Variants in FBN1 observed in about 807,000 individuals in gnomAD.
FBN1 encodes the protein fibrillin 1, also known as fibrillin-1.
Under a neutral mutation model 365.1 loss-of-function variants are expected in FBN1, and 29 were observed. That is an observed-to-expected ratio of 0.08 (90% CI 0.06 to 0.11). FBN1 has a LOEUF of 0.11. Among genes scored for constraint, FBN1 ranks in the 10% least tolerant of loss-of-function variants. The pLI, the probability that FBN1 is intolerant of heterozygous loss-of-function variation, is 1.00. For missense variants in FBN1, 2,476 were observed against 3,703.2 expected, an observed-to-expected ratio of 0.67 and a Z score of 8.60; for synonymous variants, 1,210 against 1,270.5, an observed-to-expected ratio of 0.95 and a Z score of 1.01.
In FBN1 at chr15:48,562,409, A is replaced by G. The variant is rs193082831; in HGVS notation, c.539-24601T>C. ...TTTAATAAAGTTATTTTGTTGCCCAATGGTGGCCATGTTGTGTATTACAAA... is the reference window on the plus strand; with the variant it reads ...TTTAATAAAGTTATTTTGTTGCCCAGTGGTGGCCATGTTGTGTATTACAAA... On this transcript the variant is annotated intron_variant, in intron 6 of 65. Transcript: ENST00000316623. Among the ~76,000 whole-genome samples, 225 of 152,272 alleles carry G rather than the reference A, an allele frequency of 1.5e-3. 2 individuals are homozygous for G. The highest frequency in any genetic ancestry group is 2.6e-3 in the Non-Finnish European group (179 of 68,018).
chr15:48,435,689 T>TGC (rs1352239208), intron 53 of FBN1, among the ~76,000 whole-genome samples: 16 of 148,450 alleles, frequency 1.1e-4, no homozygotes, highest in African/African-American at 2.0e-4. Flanking sequence ...TGTGTGTGTG[T>TGC]GCATGTGTGT....
intron 18 of FBN1, 133 bp downstream of exon 18, chr15:48,498,852 A>G: frequency 3.3e-6 from 3 of 897,386 alleles, no homozygotes; most frequent in East Asian, 2.4e-5. Flanking sequence ...AGCATCCCAG[A>G]TACATGGCAC....
chr15:48,484,211 CATTTA>C (rs1405357808), intron 30 of FBN1, among the ~76,000 whole-genome samples: 8 of 152,110 alleles, frequency 5.3e-5, no homozygotes, highest in Admixed American at 1.3e-4. Context: ...ATCTTTCTTT[CATTTA>C]ATTTATCATT....
At chr15:48,478,140 G>A (rs920806459) in intron 32 of FBN1, among the ~76,000 whole-genome samples, 2 of 152,220 alleles carry the variant, frequency 1.3e-5, no homozygotes, top group Non-Finnish European at 2.9e-5. Flanking sequence ...TTGAGGAAGA[G>A]GGCGTTACCA....
chr15:48,420,379 A>G (rs1240801386), intron 63 of FBN1, among the ~76,000 whole-genome samples: 2 of 152,172 alleles, frequency 1.3e-5, no homozygotes, highest in Non-Finnish European at 2.9e-5. Flanking sequence ...TTGACCCCTG[A>G]TATGAACATA....
Position 48,488,204 on chromosome 15 carries a change from G to A in FBN1, c.3246C>T (p.Gly1082=), listed in dbSNP as rs138855754. 5.6e-6 allele frequency: 9 copies of A among 1,614,068 alleles called. No individual in the cohort carries two copies. The African/African-American group carries it at 1.1e-4, about 19-fold the overall frequency. Residue 1082 remains glycine, a synonymous_variant, in exon 27 of 66, where the codon GGC becomes GGT. Transcript: ENST00000316623. ...DECRISPDLC[G]RGQCVNTPGD... ...CAGGGGTGTTCACACACTGGCCTCTGCCACAGAGGTCAGGAGATATGCGGC... is the reference window on the plus strand; with the variant it reads ...CAGGGGTGTTCACACACTGGCCTCTACCACAGAGGTCAGGAGATATGCGGC...
chr15:48,532,836 GTTT>G (rs1186733106), intron 8 of FBN1, among the ~76,000 whole-genome samples: 2 of 150,774 alleles, frequency 1.3e-5, no homozygotes, highest in Non-Finnish European at 3.0e-5. Flanking sequence ...AACTTAAAAT[GTTT>G]TTTTAAGAAG....
chr15:48,575,646 A>G (rs2044340798), intron 6 of FBN1, among the ~76,000 whole-genome samples: 1 of 152,144 alleles, frequency 6.6e-6, no homozygotes, highest in East Asian at 1.9e-4. Context: ...CATTTCTCAA[A>G]GAACTAATCC....
chr15:48,590,769 A>C (rs657635), intron 6 of FBN1, among the ~76,000 whole-genome samples: 59,237 of 152,110 alleles, frequency 0.39, 14,832 homozygotes, highest in African/African-American at 0.72. Context: ...GGATTATTTC[A>C]ATCCTCTCAT....
At chr15:48,433,023 T>C (rs762161424) in intron 54 of FBN1, 35 bp from the exon 55 acceptor site, 7 of 1,612,048 alleles carry the variant, frequency 4.3e-6, no homozygotes, top group East Asian at 2.2e-5. Flanking sequence ...TAAGGGATCA[T>C]GGACAGCAAC....
chr15:48,612,511 A>T (rs1288065778), intron 3 of FBN1, among the ~76,000 whole-genome samples: 1 of 152,196 alleles, frequency 6.6e-6, no homozygotes, highest in East Asian at 1.9e-4. Flanking sequence ...TGCCAGCAGA[A>T]ATCAATAGAG....
Position 48,515,430 on chromosome 15 carries a change from C to T in FBN1, c.1425G>A (p.Glu475=), listed in dbSNP as rs752142729. The T allele has an allele frequency of 6.2e-7, 1 of 1,614,018 alleles. No individual in the cohort carries two copies. The highest frequency in any genetic ancestry group is 2.2e-5 in the East Asian group (1 of 44,882). The change falls in exon 12 of 66, where the codon GAG becomes GAA. Residue 475 remains glutamate, a synonymous_variant. Transcript: ENST00000316623. The part of the protein sequence containing the change: ...CIPTPGSYRC[E]CNKGFQLDLR... Reference sequence around the variant, plus strand: ...GGTCCAGCTGGAACCCTTTGTTGCACTCACACCGGTAACTCCCAGGAGTTG... The same window carrying T: ...GGTCCAGCTGGAACCCTTTGTTGCATTCACACCGGTAACTCCCAGGAGTTG...
chr15:48,437,611 C>T, intron 51 of FBN1, 157 bp downstream of exon 51: 1 of 910,070 alleles, frequency 1.1e-6, no homozygotes, highest in Non-Finnish European at 1.7e-6. Context: ...AAAATAACTA[C>T]CAAGCTCCTG....
intron 58 of FBN1, among the ~76,000 whole-genome samples, chr15:48,427,340 A>C (rs992721831): frequency 6.6e-6 from 1 of 152,242 alleles, no homozygotes; most frequent in Admixed American, 6.5e-5. Context: ...ACTCGCTGGA[A>C]TGCAGAGGGA....
rs546773157 is a variant in FBN1 at position 48,553,935 on chromosome 15, T to C, written c.539-16127A>G. Among the ~76,000 whole-genome samples the C allele has an allele frequency of 2.0e-5, 3 of 152,328 alleles. No homozygotes were observed. In the East Asian group the frequency reaches 5.8e-4, roughly 29 times the overall value. ...GGTGCTGGCTACAAGGGAGACATGC[T>C]GTCTCACTTAATTCTCACAACAATT... On this transcript the variant is annotated intron_variant, in intron 6 of 65. Transcript: ENST00000316623.
At chr15:48,459,700 A>T (rs1262933249) in intron 43 of FBN1, among the ~76,000 whole-genome samples, 1 of 152,220 alleles carries the variant, frequency 6.6e-6, no homozygotes, top group East Asian at 1.9e-4. Flanking sequence ...ATTCTTGCAC[A>T]AGCATCTCTC....
At chr15:48,464,534 A>C (rs1004874079) in intron 40 of FBN1, among the ~76,000 whole-genome samples, 5 of 152,112 alleles carry the variant, frequency 3.3e-5, no homozygotes, top group Non-Finnish European at 7.4e-5. Flanking sequence ...CAAACAAAAA[A>C]CAAAAACAAA....
intron 6 of FBN1, among the ~76,000 whole-genome samples, chr15:48,584,659 G>A (rs1227248227): frequency 2.6e-5 from 4 of 152,076 alleles, no homozygotes; most frequent in Non-Finnish European, 5.9e-5. Flanking sequence ...GCAATGTGGA[G>A]AACACTGTAG....
rs186909497 is a variant in FBN1, at chr15:48,447,778, C to T, written c.5672-956G>A. On this transcript the variant is annotated intron_variant, in intron 46 of 65. Transcript: ENST00000316623. ...CATGAAGATAAATGATCTGTGATTC[C>T]TGAATCAGGAAGCTATTGCTAACCC... is the stretch of plus-strand genomic sequence containing the variant. 2.0e-5 allele frequency among the ~76,000 whole-genome samples: 3 copies of T among 152,216 alleles called. No homozygotes were observed. In the East Asian group the frequency reaches 5.8e-4, roughly 29 times the overall value.
Sources: gnomAD v4.1 joint callset for allele counts (sites outside exome capture counted in the v4.1 genomes callset) on GRCh38, gnomAD v4.1.1 for gene constraint, MANE v1.5 for transcripts, NCBI Gene and HGNC (gene_info 2026-07-23, HGNC 2026-07-21) for gene names.